TRIM5: variants seen among roughly 807,000 people sequenced by gnomAD.
TRIM5 encodes tripartite motif containing 5, also known as tripartite motif-containing protein 5.
TRIM5 carries 31 observed loss-of-function variants against 35.6 expected under a neutral mutation model. The ratio of observed to expected loss-of-function variants is 0.87; its 90% CI spans 0.65 to 1.18. The LOEUF (loss-of-function observed/expected upper bound fraction) is 1.18, where lower values mean the gene tolerates loss of function less well. TRIM5 is among the 50% of genes most tolerant of loss of function. The pLI, the probability that TRIM5 is intolerant of heterozygous loss-of-function variation, is 0.00. For missense variants in TRIM5, 609 were observed against 591.6 expected, an observed-to-expected ratio of 1.03 and a Z score of -0.31; for synonymous variants, 243 against 215.6, an observed-to-expected ratio of 1.13 and a Z score of -1.11.
chr11:5,666,922 C>T (rs1474719770), intron 5 of TRIM5, among the ~76,000 whole-genome samples: 2 of 152,152 alleles, frequency 1.3e-5, no homozygotes, highest in African/African-American at 2.4e-5. Context: ...TGAAGAGGAA[C>T]TGGTCTTTTT....
the TRIM5 span, among the ~76,000 whole-genome samples, chr11:5,606,199 ACT>A: frequency 1.3e-5 from 2 of 151,854 alleles, no homozygotes; most frequent in Admixed American, 6.6e-5. Context: ...CTTTGTTTTC[ACT>A]CTCTTCTCTA....
chr11:5,590,206 C>G, the TRIM5 span: 1 of 164,750 alleles, frequency 6.1e-6, no homozygotes, highest in African/African-American at 2.4e-5. Context: ...CCAACGAGTG[C>G]CACCCCCTGC....
the TRIM5 span, chr11:5,634,518 CACACACACACACAT>C: frequency 2.7e-5 from 16 of 601,296 alleles, no homozygotes; most frequent in Admixed American, 3.5e-5. Flanking sequence ...CACACACACA[CACACACACACACAT>C]ATATATATAT....
chr11:5,591,687 A>G, the TRIM5 span, among the ~76,000 whole-genome samples: 2 of 152,066 alleles, frequency 1.3e-5, no homozygotes, highest in African/African-American at 4.8e-5. Context: ...ATCTGATTGG[A>G]TCTTGCAATG....
chr11:5,643,825 C>T, the TRIM5 span: 13 of 1,340,200 alleles, frequency 9.7e-6, no homozygotes, highest in African/African-American at 1.3e-4. Context: ...AACTTTTACT[C>T]ATCCTTGAGA....
At chr11:5,665,826 G>C (rs1187407193) in intron 6 of TRIM5, 144 bp from the exon 7 acceptor site, 2 of 1,331,018 alleles carry the variant, frequency 1.5e-6, no homozygotes, top group Non-Finnish European at 2.0e-6. Flanking sequence ...CAGCCACCTA[G>C]CCATTTCCCA....
chr11:5,608,890 G>T, the TRIM5 span, among the ~76,000 whole-genome samples: 1 of 118,012 alleles, frequency 8.5e-6, no homozygotes, highest in Non-Finnish European at 1.6e-5. Flanking sequence ...TCACTCTGTC[G>T]CCCAGGCTGG....
the TRIM5 span, chr11:5,604,732 G>C: frequency 2.4e-6 from 3 of 1,233,998 alleles, no homozygotes; most frequent in Non-Finnish European, 3.3e-6. Context: ...CTGATGCCAT[G>C]ACTAGAAGAG....
At chr11:5,620,521 G>T in the TRIM5 span, among the ~76,000 whole-genome samples, 1 of 152,054 alleles carries the variant, frequency 6.6e-6, no homozygotes, top group Non-Finnish European at 1.5e-5. Flanking sequence ...TCTCTTGTGA[G>T]GGTTGCAGTA....
chr11:5,614,915 T>C, the TRIM5 span, among the ~76,000 whole-genome samples: 1 of 152,218 alleles, frequency 6.6e-6, no homozygotes, highest in Non-Finnish European at 1.5e-5. Flanking sequence ...TTCTTTTTTG[T>C]ATATATAGCA....
chr11:5,609,142 C>T, the TRIM5 span, among the ~76,000 whole-genome samples: 1 of 152,210 alleles, frequency 6.6e-6, no homozygotes, highest in Admixed American at 6.5e-5. Flanking sequence ...TGTTCTCTAT[C>T]ACATACTCCA....
chr11:5,611,474 G>C, the TRIM5 span: 1 of 844,098 alleles, frequency 1.2e-6, no homozygotes, highest in Non-Finnish European at 1.9e-6. Flanking sequence ...TCTTTTTTGA[G>C]ATGGAATCTC....
At chr11:5,661,177 G>A (rs1406747842), downstream of TRIM5, among the ~76,000 whole-genome samples, 8 of 141,494 alleles carry the variant, frequency 5.7e-5, no homozygotes, top group Non-Finnish European at 4.5e-5. Flanking sequence ...GAACATAATT[G>A]TTACCTTGTG....
chr11:5,597,804 T>A, the TRIM5 span, among the ~76,000 whole-genome samples: 8 of 152,124 alleles, frequency 5.3e-5, no homozygotes, highest in Non-Finnish European at 1.0e-4. Context: ...CCATTCTCTG[T>A]CCCCCTCCCT....
chr11:5,638,593 G>A, the TRIM5 span, among the ~76,000 whole-genome samples: 1 of 152,236 alleles, frequency 6.6e-6, no homozygotes, highest in Non-Finnish European at 1.5e-5. Context: ...AGAAGTTAAG[G>A]ATGGACTGGC....
At chr11:5,682,989 G>A (rs1308531682) in intron 1 of TRIM5, among the ~76,000 whole-genome samples, 1 of 152,224 alleles carries the variant, frequency 6.6e-6, no homozygotes, top group African/African-American at 2.4e-5. Flanking sequence ...CCGCGCTTGT[G>A]GGCCAGCTGG....
chr11:5,610,353 G>T, the TRIM5 span: 7 of 1,573,068 alleles, frequency 4.4e-6, no homozygotes, highest in Non-Finnish European at 6.1e-6. Flanking sequence ...AAAGAGGGAG[G>T]TCCCAGAGGG....
At chr11:5,620,073 G>A in the TRIM5 span, 1 of 151,040 alleles carries the variant, frequency 6.6e-6, no homozygotes, top group Non-Finnish European at 1.5e-5. Flanking sequence ...TCTACATTTT[G>A]GGGTGGCAGT....
the TRIM5 span, among the ~76,000 whole-genome samples, chr11:5,593,219 GAATTCT>G: frequency 6.6e-6 from 1 of 152,192 alleles, no homozygotes; most frequent in Non-Finnish European, 1.5e-5. Flanking sequence ...GGCCTATCCT[GAATTCT>G]CAAGCATAAA....
Sources: gnomAD v4.1 joint callset for allele counts (sites outside exome capture counted in the v4.1 genomes callset) on GRCh38, gnomAD v4.1.1 for gene constraint, MANE v1.5 for transcripts, NCBI Gene and HGNC (gene_info 2026-07-23, HGNC 2026-07-21) for gene names.